CNTN3: variants seen among roughly 807,000 people sequenced by gnomAD.
CNTN3 encodes contactin-3.
A neutral mutation model predicts 119.1 loss-of-function variants in CNTN3; 60 were observed. The observed-to-expected ratio is 0.50, with a 90% CI of 0.41 to 0.62. The LOEUF (loss-of-function observed/expected upper bound fraction) is 0.62, where lower values mean the gene tolerates loss of function less well. Ranked by LOEUF, CNTN3 falls within the 20% of genes least tolerant of loss-of-function variation. The pLI is 0.00. For synonymous variants in CNTN3, 450 were observed against 438.7 expected (o/e 1.03, Z -0.32); for missense variants, 1,101 against 1,242.4 (o/e 0.89, Z 1.71).
chr3:74,280,967 G>A (rs1032458887), intron 20 of CNTN3, among the ~76,000 whole-genome samples: 2 of 152,174 alleles, frequency 1.3e-5, no homozygotes, highest in Admixed American at 6.5e-5. Context: ...GAAGAGATGG[G>A]GGAGTGCATT....
chr3:74,397,306 T>C (rs922438485), intron 5 of CNTN3, among the ~76,000 whole-genome samples: 5 of 152,170 alleles, frequency 3.3e-5, no homozygotes, highest in Admixed American at 6.5e-5. Flanking sequence ...CCTTTACAAA[T>C]ATTACTGTTC....
At chr3:74,431,329 C>T (rs1430884280) in intron 4 of CNTN3, among the ~76,000 whole-genome samples, 1 of 152,048 alleles carries the variant, frequency 6.6e-6, no homozygotes, top group Non-Finnish European at 1.5e-5. Context: ...TGGTTTCTCA[C>T]CTGAATTGAC....
At chr3:74,456,555 A>G (rs772667044) in intron 4 of CNTN3, among the ~76,000 whole-genome samples, 1 of 152,106 alleles carries the variant, frequency 6.6e-6, no homozygotes, top group Non-Finnish European at 1.5e-5. Context: ...ATGGATGAAA[A>G]CACAAAAAGA....
At chr3:74,601,156 T>C (rs1704903664) in intron 1 of CNTN3, among the ~76,000 whole-genome samples, 1 of 151,974 alleles carries the variant, frequency 6.6e-6, no homozygotes, top group South Asian at 2.1e-4. Context: ...ATGGGTAGCA[T>C]CTAATGAGTT....
In CNTN3 at chr3:74,334,814, T is replaced by A. The variant is rs1440690926; in HGVS notation, c.1589A>T (p.Asp530Val). ...ATTGAAATACCAGGTAAAGATGATG[T>A]CTAACAGCGGGTCATGTTGTACCTG... ...PCQVQHDPLLDIIFTWYFNGA... is the reference protein window; with the variant it reads ...PCQVQHDPLLVIIFTWYFNGA... The change falls in exon 13 of 23, where the codon GAC becomes GTC. Residue 530 changes from aspartate to valine, a missense_variant. Coordinates refer to ENST00000263665, the MANE Select transcript of CNTN3 (RefSeq NM_020872.3). 6.2e-7 allele frequency: 1 copy of A among 1,613,634 alleles called. No homozygotes were observed. The highest frequency in any genetic ancestry group is 1.1e-5 in the South Asian group (1 of 91,056).
At chr3:74,369,586 T>G (rs1704286732) in intron 7 of CNTN3, among the ~76,000 whole-genome samples, 1 of 151,466 alleles carries the variant, frequency 6.6e-6, no homozygotes, top group Non-Finnish European at 1.5e-5. Context: ...TGACATGATT[T>G]CGAGAAAAAA....
intron 20 of CNTN3, among the ~76,000 whole-genome samples, chr3:74,268,570 C>T (rs1473431374): frequency 2.6e-5 from 4 of 152,098 alleles, no homozygotes; most frequent in Non-Finnish European, 5.9e-5. Context: ...CTTTTTGTCT[C>T]TTTTAACACT....
At chr3:74,474,933 T>C (rs759989456) in intron 4 of CNTN3, among the ~76,000 whole-genome samples, 10 of 152,130 alleles carry the variant, frequency 6.6e-5, no homozygotes, top group Non-Finnish European at 1.2e-4. Context: ...TGCTCCCTCT[T>C]CGCCTTCTGC....
intron 2 of CNTN3, among the ~76,000 whole-genome samples, chr3:74,514,937 T>C (rs1703426676): frequency 1.3e-5 from 2 of 152,112 alleles, no homozygotes; most frequent in Admixed American, 6.6e-5. Flanking sequence ...AATTAAAATA[T>C]GCAACCATTT....
intron 1 of CNTN3, among the ~76,000 whole-genome samples, chr3:74,556,662 C>A (rs2107168456): frequency 6.6e-6 from 1 of 152,134 alleles, no homozygotes; most frequent in South Asian, 2.1e-4. Context: ...TCTAGGAGTG[C>A]AAATGCTACT....
At chr3:74,302,858 A>T in intron 13 of CNTN3, 51 bp from the exon 14 acceptor site, 1 of 1,208,122 alleles carries the variant, frequency 8.3e-7, no homozygotes, top group South Asian at 1.3e-5. Flanking sequence ...AAAAAACACA[A>T]AGAAGTTTGA....
At chr3:74,576,711 G>GA (rs1474199132) in intron 1 of CNTN3, among the ~76,000 whole-genome samples, 4 of 151,836 alleles carry the variant, frequency 2.6e-5, no homozygotes, top group Admixed American at 1.3e-4. Context: ...TAAAAGAAAA[G>GA]AAAAAAATCT....
chr3:74,438,641 C>T (rs1034743761), intron 4 of CNTN3, among the ~76,000 whole-genome samples: 5 of 152,146 alleles, frequency 3.3e-5, no homozygotes, highest in African/African-American at 1.2e-4. Context: ...AATTTCTCTT[C>T]CTTCCCCCTA....
intron 13 of CNTN3, among the ~76,000 whole-genome samples, chr3:74,318,380 G>GGTGGT (rs1702890996): frequency 6.6e-6 from 1 of 152,122 alleles, no homozygotes; most frequent in Admixed American, 6.5e-5. Context: ...TTGCTGGTGA[G>GGTGGT]GAGCTGCGTT....
At chr3:74,516,787 C>T (rs544272899) in intron 2 of CNTN3, among the ~76,000 whole-genome samples, 1 of 144,008 alleles carries the variant, frequency 6.9e-6, no homozygotes, top group East Asian at 2.0e-4. Context: ...AAATGAGCAA[C>T]TTGGTAAGTA....
chr3:74,465,045 C>T (rs1472683122), intron 4 of CNTN3, among the ~76,000 whole-genome samples: 1 of 152,136 alleles, frequency 6.6e-6, no homozygotes, highest in East Asian at 1.9e-4. Context: ...TGATTTCTAG[C>T]CAAGAGTATA....
intron 11 of CNTN3, among the ~76,000 whole-genome samples, chr3:74,361,066 T>C (rs1191445709): frequency 1.3e-5 from 2 of 152,154 alleles, no homozygotes; most frequent in African/African-American, 4.8e-5. Flanking sequence ...CCAATTATTC[T>C]GCTTATCACA....
chr3:74,592,927 T>C (rs1001779094), intron 1 of CNTN3, among the ~76,000 whole-genome samples: 1 of 152,000 alleles, frequency 6.6e-6, no homozygotes, highest in Non-Finnish European at 1.5e-5. Context: ...AATCACTTCA[T>C]AAAACTACCA....
At chr3:74,531,201 A>G (rs1367493230) in intron 1 of CNTN3, among the ~76,000 whole-genome samples, 2 of 151,982 alleles carry the variant, frequency 1.3e-5, no homozygotes, top group African/African-American at 2.4e-5. Context: ...TAACTATTAC[A>G]TAAGACAGGA....
Sources: gnomAD v4.1 joint callset for allele counts (sites outside exome capture counted in the v4.1 genomes callset) on GRCh38, gnomAD v4.1.1 for gene constraint, MANE v1.5 for transcripts, NCBI Gene and HGNC (gene_info 2026-07-23, HGNC 2026-07-21) for gene names.